RP1: variants seen among roughly 807,000 people sequenced by gnomAD.
RP1 encodes the protein RP1 axonemal microtubule associated, also known as oxygen-regulated protein 1.
Under a neutral mutation model 14.8 loss-of-function variants are expected in RP1, and 16 were observed. The observed-to-expected ratio is 1.08, with a 90% CI of 0.73 to 1.65. The LOEUF is 1.65. RP1 is among the 40% of genes most tolerant of loss of function. RP1 has a pLI of 0.00. For synonymous variants in RP1, 876 were observed against 883.6 expected (o/e 0.99, Z 0.15); for missense variants, 2,631 against 2,535.0 (o/e 1.04, Z -0.81).
chr8:54,714,471 G>A (rs1466811249), intron 15 of RP1, among the ~76,000 whole-genome samples: 2 of 152,052 alleles, frequency 1.3e-5, no homozygotes, highest in Admixed American at 6.6e-5. Flanking sequence ...GGACCAGCTG[G>A]TGCCACCCAC....
intron 10 of RP1, chr8:54,679,563 C>T (rs1293430408): frequency 6.5e-7 from 1 of 1,535,792 alleles, no homozygotes; most frequent in Non-Finnish European, 8.7e-7. Context: ...CATGACACTT[C>T]TGAAATTAAT....
At position 54,674,053 on chromosome 8, in the gene RP1, G is replaced by A. The variant is rs1445989935; in HGVS notation, c.1402+125G>A. The A allele has an allele frequency of 4.4e-6, 3 of 683,244 alleles. No homozygotes were observed. In the East Asian group the frequency reaches 8.5e-5, roughly 19 times the overall value. The allele number at this position is 683,244 out of a possible 1,614,324, so 42.3% of individuals were successfully genotyped here. On this transcript the variant is annotated intron_variant, in intron 8 of 22. Transcript: ENST00000636932. ...ATGGATCTCTATGTATTGACTATATGAAATCAAAATATTGTCTCCAAATAC... is the reference window on the plus strand; with the variant it reads ...ATGGATCTCTATGTATTGACTATATAAAATCAAAATATTGTCTCCAAATAC...
At chr8:54,747,150 T>A (rs1809244842) in intron 19 of RP1, among the ~76,000 whole-genome samples, 1 of 152,206 alleles carries the variant, frequency 6.6e-6, no homozygotes, top group Admixed American at 6.5e-5. Flanking sequence ...AAAGATCTCC[T>A]ATGATAGGCT....
chr8:54,778,170 G>A (rs1419757649), intron 23 of RP1, among the ~76,000 whole-genome samples: 1 of 152,074 alleles, frequency 6.6e-6, no homozygotes, highest in Non-Finnish European at 1.5e-5. Flanking sequence ...GTGCCCTTCA[G>A]GGACTTACAA....
intron 1 of RP1, among the ~76,000 whole-genome samples, chr8:54,607,766 G>A (rs953848945): frequency 1.3e-5 from 2 of 152,152 alleles, no homozygotes; most frequent in African/African-American, 4.8e-5. Flanking sequence ...CCCTAGCCTC[G>A]CTGCCACCTT....
intron 12 of RP1, among the ~76,000 whole-genome samples, chr8:54,680,281 A>G (rs900075375): frequency 4.6e-5 from 7 of 152,218 alleles, no homozygotes; most frequent in African/African-American, 1.4e-4. Context: ...AGACAAATAC[A>G]ACAATTCTAA....
At chr8:54,576,267 G>T (rs1437113519) in intron 1 of RP1, among the ~76,000 whole-genome samples, 1 of 151,874 alleles carries the variant, frequency 6.6e-6, no homozygotes, top group Non-Finnish European at 1.5e-5. Context: ...GATGAGTCTC[G>T]ATCTCCTGAC....
chr8:54,576,520 T>G (rs1328233511), intron 1 of RP1, among the ~76,000 whole-genome samples: 1 of 152,226 alleles, frequency 6.6e-6, no homozygotes, highest in Non-Finnish European at 1.5e-5. Context: ...TTCAAAGATA[T>G]GTTAGATGTC....
At chr8:54,870,532 G>A (rs987253372) in exon 29 of RP1, 1 of 152,180 alleles carries the variant, frequency 6.6e-6, no homozygotes, top group African/African-American at 2.4e-5. Flanking sequence ...GGGTCCACTT[G>A]CAGTTTGAGC....
At chr8:54,835,842 G>T (rs9298511) in intron 24 of RP1, among the ~76,000 whole-genome samples, 45,252 of 151,978 alleles carry the variant, frequency 0.3, 7,015 homozygotes, top group South Asian at 0.37. Context: ...TTGGAGCTTG[G>T]CTACTGATTT....
In RP1 at chr8:54,568,997, T is replaced by A. The variant is rs374945325; in HGVS notation, c.-13+9677T>A. Among the ~76,000 whole-genome samples the A allele has an allele frequency of 5.7e-4, 87 of 152,352 alleles. 1 individual carries two copies. The highest frequency in any genetic ancestry group is 3.4e-3 in the Middle Eastern group (1 of 294). On this transcript the variant is annotated intron_variant, in intron 1 of 22. Coordinates refer to the RP1 transcript ENST00000636932. ...GTTCTGGGGTTGCTGTGAGGATTTTTAAAAATGCATGTAAAGAGCTTTGCT... is the reference window on the plus strand; with the variant it reads ...GTTCTGGGGTTGCTGTGAGGATTTTAAAAAATGCATGTAAAGAGCTTTGCT...
At chr8:54,665,220 G>C (rs945999813) in intron 7 of RP1, among the ~76,000 whole-genome samples, 11 of 151,800 alleles carry the variant, frequency 7.2e-5, no homozygotes, top group African/African-American at 2.7e-4. Flanking sequence ...CTTTTGTTTG[G>C]GACATATTCC....
At chr8:54,839,188 G>C (rs913999679) in intron 25 of RP1, among the ~76,000 whole-genome samples, 2 of 152,118 alleles carry the variant, frequency 1.3e-5, no homozygotes, top group Non-Finnish European at 2.9e-5. Context: ...TTAAATGCTT[G>C]ATTCTTTACT....
chr8:54,571,670 G>C (rs530946038), intron 1 of RP1, among the ~76,000 whole-genome samples: 1 of 152,304 alleles, frequency 6.6e-6, no homozygotes, highest in Admixed American at 6.5e-5. Flanking sequence ...TTAGACAACA[G>C]AAATTTATTG....
intron 8 of RP1, among the ~76,000 whole-genome samples, chr8:54,675,091 A>C (rs1807264723): frequency 6.6e-6 from 1 of 152,178 alleles, no homozygotes; most frequent in Non-Finnish European, 1.5e-5. Flanking sequence ...TTCAACCTAA[A>C]AAATCCCTGT....
At chr8:54,559,445 G>T (rs1381950348) in intron 1 of RP1, 1 of 152,130 alleles carries the variant, frequency 6.6e-6, no homozygotes, top group African/African-American at 2.4e-5. Context: ...AATGTGAAAG[G>T]TTGCTTAATG....
At chr8:54,835,286 G>A (rs1325619559) in intron 24 of RP1, among the ~76,000 whole-genome samples, 1 of 152,156 alleles carries the variant, frequency 6.6e-6, no homozygotes, top group Non-Finnish European at 1.5e-5. Flanking sequence ...GAAGCAATTT[G>A]GAAGCAGTCT....
chr8:54,660,074 A>AT (rs1434305952), intron 6 of RP1, among the ~76,000 whole-genome samples: 18 of 151,790 alleles, frequency 1.2e-4, no homozygotes, highest in East Asian at 5.8e-4. Flanking sequence ...TGTTTTAACA[A>AT]TTTTTTTTGT....
chr8:54,838,541 G>A (rs1346726240), intron 25 of RP1, among the ~76,000 whole-genome samples: 4 of 152,264 alleles, frequency 2.6e-5, no homozygotes, highest in African/African-American at 7.2e-5. Context: ...ATGTATGCAT[G>A]TGAGTGTTTC....
Sources: allele counts gnomAD v4.1 joint callset (sites outside exome capture counted in the v4.1 genomes callset), GRCh38; gene constraint gnomAD v4.1.1; transcripts MANE v1.5; gene names NCBI Gene and HGNC (gene_info 2026-07-23, HGNC 2026-07-21).